L2HGDH: variants seen among roughly 807,000 people sequenced by gnomAD.
L2HGDH encodes L-2-hydroxyglutarate dehydrogenase, mitochondrial.
A neutral mutation model predicts 51.5 loss-of-function variants in L2HGDH; 34 were observed. That is an observed-to-expected ratio of 0.66 (90% CI 0.50 to 0.88). The LOEUF is 0.88. L2HGDH is among the 40% of genes least tolerant of loss of function. The pLI, the probability that L2HGDH is intolerant of heterozygous loss-of-function variation, is 0.00. For synonymous variants in L2HGDH, 198 were observed against 197.9 expected (o/e 1.00, Z -0.01); for missense variants, 558 against 571.9 (o/e 0.98, Z 0.25).
Position 50,290,817 on chromosome 14 carries a change from C to T in L2HGDH, c.540+3298G>A, listed in dbSNP as rs187332972. 1.6e-3 allele frequency among the ~76,000 whole-genome samples: 243 copies of T among 152,212 alleles called. 1 individual carries two copies. Among genetic ancestry groups the T allele is most frequent in the African/African-American group, 5.3e-3 (221 of 41,520 alleles). ...TGGCTGGGACTACAGGCACACGCCA[C>T]CACGCCTGGCTGAATTTCATATAAT... On this transcript the variant is annotated intron_variant, in intron 4 of 9. Coordinates refer to ENST00000267436, the MANE Select transcript of L2HGDH (RefSeq NM_024884.3).
intron 6 of L2HGDH, among the ~76,000 whole-genome samples, chr14:50,274,192 C>G (rs1889844619): frequency 6.6e-6 from 1 of 151,752 alleles, no homozygotes; most frequent in Middle Eastern, 3.4e-3. Flanking sequence ...GGTAAGAGGA[C>G]AGCTTGAGCC....
chr14:50,268,394 A>AG (rs1889470384), intron 7 of L2HGDH, among the ~76,000 whole-genome samples: 1 of 150,974 alleles, frequency 6.6e-6, no homozygotes, highest in African/African-American at 2.5e-5. Context: ...AAAAAAAAAA[A>AG]AAAAAAAGAA....
intron 1 of L2HGDH, among the ~76,000 whole-genome samples, chr14:50,304,237 T>C (rs2030596112): frequency 6.6e-6 from 1 of 152,202 alleles, no homozygotes; most frequent in Non-Finnish European, 1.5e-5. Context: ...GGTATTATAA[T>C]CTTTGGTATC....
rs1315350526 is a variant in L2HGDH at position 50,283,862 on chromosome 14, A to G, written c.703+9T>C. The G allele has an allele frequency of 6.2e-7, 1 of 1,613,028 alleles. No homozygotes were observed. Among genetic ancestry groups the G allele is most frequent in the Non-Finnish European group, 8.5e-7 (1 of 1,179,140 alleles). On this transcript the variant is annotated intron_variant, in intron 5 of 9. Transcript: ENST00000267436. Reference sequence around the variant, plus strand: ...ACTATATTCAATAGAAAAGACAAGGATGGCTTACCATCTATACTTCTTGAA... The same window carrying G: ...ACTATATTCAATAGAAAAGACAAGGGTGGCTTACCATCTATACTTCTTGAA...
chr14:50,270,696 C>G (rs992301350), intron 6 of L2HGDH, among the ~76,000 whole-genome samples: 3 of 151,838 alleles, frequency 2.0e-5, no homozygotes, highest in Non-Finnish European at 2.9e-5. Flanking sequence ...TTAGTAGAGA[C>G]GGGGTTTCAC....
chr14:50,254,655 T>C (rs1174589240), intron 9 of L2HGDH, among the ~76,000 whole-genome samples: 1 of 152,128 alleles, frequency 6.6e-6, no homozygotes, highest in East Asian at 1.9e-4. Flanking sequence ...CTACACTTAT[T>C]TTTCTTACAA....
chr14:50,267,557 T>C lies in L2HGDH; in HGVS notation c.1064+196A>G, dbSNP rs114534922. On this transcript the variant is annotated intron_variant, in intron 8 of 9. Coordinates refer to ENST00000267436, the MANE Select transcript of L2HGDH (RefSeq NM_024884.3). ...AATGTTATACTTATTCCAAAAGGCA[T>C]TTTTTTTTTTGTTTGTTTGTTTGTT... Among the ~76,000 whole-genome samples, 1,035 of 139,896 alleles carry C rather than the reference T, an allele frequency of 7.4e-3. 14 individuals are homozygous for C. Among genetic ancestry groups the C allele is most frequent in the South Asian group, 0.038 (164 of 4,264 alleles). The allele number at this position is 139,896 out of a possible 152,430, so 91.8% of individuals were successfully genotyped here.
intron 9 of L2HGDH, among the ~76,000 whole-genome samples, chr14:50,255,537 C>CAAAA (rs371804551): frequency 8.7e-6 from 1 of 114,788 alleles, no homozygotes; most frequent in East Asian, 2.5e-4. Context: ...ACTCCATCTC[C>CAAAA]AAAAAAAAAA....
chr14:50,286,953 C>T (rs1890599079), intron 4 of L2HGDH, among the ~76,000 whole-genome samples: 1 of 152,188 alleles, frequency 6.6e-6, no homozygotes, highest in African/African-American at 2.4e-5. Flanking sequence ...ATCTTCTTAT[C>T]TATCTACAGT....
intron 9 of L2HGDH, among the ~76,000 whole-genome samples, chr14:50,260,896 A>T (rs1446756367): frequency 1.3e-5 from 2 of 152,128 alleles, no homozygotes; most frequent in Non-Finnish European, 2.9e-5. Context: ...CGGGTGGATT[A>T]CCTGAGGTCA....
rs775844474 is a variant in L2HGDH at position 50,278,557 on chromosome 14, G to GA, written c.704-4dup. The GA allele has an allele frequency of 9.3e-5, 128 of 1,382,890 alleles. No individual in the cohort carries two copies. Among genetic ancestry groups the GA allele is most frequent in the South Asian group, 1.1e-4 (9 of 80,448 alleles). 85.7% of individuals were successfully genotyped at this position (1,382,890 alleles called of 1,614,324 possible). Reference sequence around the variant, plus strand: ...TATAACAATTGGATATTGCATTCCTGAAAAAAAAGAATAAGTGAAAAATTT... The same window carrying GA: ...TATAACAATTGGATATTGCATTCCTGAAAAAAAAAGAATAAGTGAAAAATTT... On this transcript the variant is annotated splice_polypyrimidine_tract_variant and splice_region_variant and intron_variant, in intron 5 of 9. Coordinates refer to ENST00000267436, the MANE Select transcript of L2HGDH (RefSeq NM_024884.3).
intron 5 of L2HGDH, among the ~76,000 whole-genome samples, chr14:50,279,397 G>A (rs751567381): frequency 6.6e-6 from 1 of 152,128 alleles, no homozygotes; most frequent in Non-Finnish European, 1.5e-5. Flanking sequence ...GGCATGAGGT[G>A]GGGGGAGTTC....
Position 50,283,919 on chromosome 14 carries a change from C to T in L2HGDH, c.655G>A (p.Val219Ile), listed in dbSNP as rs1404391623. 1 of 1,614,088 alleles carries T rather than the reference C, an allele frequency of 6.2e-7. No homozygotes were observed. Among genetic ancestry groups the T allele is most frequent in the Admixed American group, 1.7e-5 (1 of 60,012 alleles). ...AGGSVLTNFEVKGIEMAKESP... is the reference protein window; with the variant it reads ...AGGSVLTNFEIKGIEMAKESP... ...TCTTTAGCCATTTCAATACCTTTTA[C>T]TTCAAAATTGGTCAAGACAGAGCCA... Residue 219 changes from valine to isoleucine, a missense_variant, in exon 5 of 10, where the codon GTA becomes ATA. Coordinates refer to ENST00000267436, the MANE Select transcript of L2HGDH (RefSeq NM_024884.3).
At chr14:50,295,736 T>C (rs962529268) in intron 3 of L2HGDH, among the ~76,000 whole-genome samples, 1 of 148,714 alleles carries the variant, frequency 6.7e-6, no homozygotes, top group Non-Finnish European at 1.5e-5. Context: ...AATTTTTTTT[T>C]CATAGCATCT....
rs771935878 is a variant in L2HGDH, at chr14:50,247,310, T to C, written c.1197-57A>G. 562 of 1,578,960 alleles carry C rather than the reference T, an allele frequency of 3.6e-4. 1 individual carries two copies. Among genetic ancestry groups the C allele is most frequent in the Admixed American group, 5.8e-4 (31 of 53,726 alleles). ...TCAAAGACATAGGATACTTTACAAG[T>C]CAGCGTTTCCAAAAAGTCTTAAAGC... On this transcript the variant is annotated intron_variant, in intron 9 of 9. Transcript: ENST00000267436.
At position 50,243,072 on chromosome 14, in the gene L2HGDH, C is replaced by T. The variant is rs907729070; in HGVS notation, c.*3986G>A. The T allele has an allele frequency of 8.1e-6, 8 of 985,452 alleles. No homozygotes were observed. Among genetic ancestry groups the T allele is most frequent in the Non-Finnish European group, 9.6e-6 (8 of 829,946 alleles). The allele number at this position is 985,452 out of a possible 1,614,324, so 61.0% of individuals were successfully genotyped here. On this transcript the variant is annotated 3_prime_UTR_variant, in exon 10 of 10. Transcript: ENST00000267436. ...AGAGTTAAGGTTATCCCACAGGCTACTAGGTAGATTTCCAAATGGCCTCAG... is the reference window on the plus strand; with the variant it reads ...AGAGTTAAGGTTATCCCACAGGCTATTAGGTAGATTTCCAAATGGCCTCAG...
intron 9 of L2HGDH, among the ~76,000 whole-genome samples, chr14:50,259,398 T>G (rs1383945951): frequency 2.2e-5 from 3 of 138,624 alleles, no homozygotes; most frequent in Non-Finnish European, 4.6e-5. Flanking sequence ...AAATGGGGTC[T>G]CACTATGTCA....
intron 6 of L2HGDH, among the ~76,000 whole-genome samples, chr14:50,271,991 A>G (rs1448877578): frequency 6.6e-6 from 1 of 152,120 alleles, no homozygotes; most frequent in Non-Finnish European, 1.5e-5. Flanking sequence ...AAATACAAAA[A>G]TTAACCAGGC....
At chr14:50,274,201 C>T (rs991755675) in intron 6 of L2HGDH, among the ~76,000 whole-genome samples, 3 of 151,892 alleles carry the variant, frequency 2.0e-5, no homozygotes, top group African/African-American at 7.3e-5. Context: ...ACAGCTTGAG[C>T]CCAGGAGTTT....
Sources: allele counts gnomAD v4.1 joint callset (sites outside exome capture counted in the v4.1 genomes callset), GRCh38; gene constraint gnomAD v4.1.1; transcripts MANE v1.5; gene names NCBI Gene and HGNC (gene_info 2026-07-23, HGNC 2026-07-21).